Variants in PLXNA4 observed in about 807,000 individuals in gnomAD.
PLXNA4 encodes plexin A4.
PLXNA4 carries 44 observed loss-of-function variants against 191.8 expected under a neutral mutation model. The observed-to-expected ratio is 0.23, with a 90% confidence interval of 0.18 to 0.29. The LOEUF (loss-of-function observed/expected upper bound fraction) is 0.29, where lower values mean the gene tolerates loss of function less well. Ranked by LOEUF, PLXNA4 falls within the 10% of genes least tolerant of loss-of-function variation. The pLI, the probability that PLXNA4 is intolerant of heterozygous loss-of-function variation, is 1.00. For missense variants in PLXNA4, 1,800 were observed against 2,488.8 expected (o/e 0.72, Z 5.89); for synonymous variants, 1,082 against 1,009.5 (o/e 1.07, Z -1.36).
At chr7:132,325,370 C>T (rs1802317806) in intron 3 of PLXNA4, among the ~76,000 whole-genome samples, 1 of 152,174 alleles carries the variant, frequency 6.6e-6, no homozygotes, top group Non-Finnish European at 1.5e-5. Flanking sequence ...GTCTCTAGCA[C>T]CCAAGGGCAT....
At chr7:132,587,351 T>G (rs938220173) in intron 2 of PLXNA4, among the ~76,000 whole-genome samples, 2 of 152,238 alleles carry the variant, frequency 1.3e-5, no homozygotes, top group Non-Finnish European at 2.9e-5. Context: ...CTTATCTTAT[T>G]TAGACATATT....
Position 132,312,149 on chromosome 7 carries a change from A to AAATAATAATAATAATAATAATAATAAT in PLXNA4, c.1372-13928_1372-13927insATTATTATTATTATTATTATTATTATT, listed in dbSNP as rs56273116. The stretch of plus-strand genomic sequence containing the variant: ...ACCAGAGCCAAAGTGCCTTGAAGGA[A>AAATAATAATAATAATAATAATAATAAT]AATAATAATAATAATAATAATAATA... On this transcript the variant is annotated intron_variant, in intron 3 of 31. Coordinates refer to ENST00000321063, the MANE Select transcript of PLXNA4 (RefSeq NM_020911.2). Among the ~76,000 whole-genome samples, 175 of 149,550 alleles carry AAATAATAATAATAATAATAATAATAAT rather than the reference A, an allele frequency of 1.2e-3. 2 individuals are homozygous for AAATAATAATAATAATAATAATAATAAT. The highest frequency in any genetic ancestry group is 3.1e-3 in the African/African-American group (124 of 40,258).
chr7:132,199,351 T>A (rs1486971933), intron 12 of PLXNA4, among the ~76,000 whole-genome samples: 1 of 152,226 alleles, frequency 6.6e-6, no homozygotes, highest in Non-Finnish European at 1.5e-5. Context: ...CCTTTGCCGT[T>A]GTTGTTTGGC....
chr7:132,279,818 A>G (rs548123764), intron 4 of PLXNA4, among the ~76,000 whole-genome samples: 40 of 152,268 alleles, frequency 2.6e-4, no homozygotes, highest in African/African-American at 9.4e-4. Flanking sequence ...TCACTTTAAA[A>G]CTAGTGGACG....
chr7:132,209,528 T>C (rs964585236), intron 10 of PLXNA4, among the ~76,000 whole-genome samples: 1 of 151,922 alleles, frequency 6.6e-6, no homozygotes, highest in Non-Finnish European at 1.5e-5. Context: ...ATCTGAGAAA[T>C]AGCCTGGCAG....
rs1295905645 is a variant in PLXNA4 at position 132,128,457 on chromosome 7, C to T, written c.*2022G>A. ...TGGACAAGCGCCCTCTCCTTCCACCCACCAGCTCTCAGCATAGAAAGCAAG... is the reference window on the plus strand; with the variant it reads ...TGGACAAGCGCCCTCTCCTTCCACCTACCAGCTCTCAGCATAGAAAGCAAG... On this transcript the variant is annotated 3_prime_UTR_variant, in exon 32 of 32. Transcript: ENST00000321063. The T allele has an allele frequency of 1.3e-5, 2 of 152,190 alleles. No individual in the cohort carries two copies. Among genetic ancestry groups the T allele is most frequent in the African/African-American group, 4.8e-5 (2 of 41,390 alleles). 9.4% of individuals were successfully genotyped at this position (152,190 alleles called of 1,614,324 possible).
intron 3 of PLXNA4, among the ~76,000 whole-genome samples, chr7:132,409,424 C>T (rs1794360890): frequency 6.6e-6 from 1 of 152,196 alleles, no homozygotes; most frequent in African/African-American, 2.4e-5. Context: ...GGGGCACCTT[C>T]TTACAAATCA....
At chr7:132,605,137 T>C (rs1802899719) in intron 2 of PLXNA4, among the ~76,000 whole-genome samples, 1 of 152,234 alleles carries the variant, frequency 6.6e-6, no homozygotes, top group Non-Finnish European at 1.5e-5. Context: ...GCACTGTTCT[T>C]ATCCACATTT....
At chr7:132,400,178 C>T (rs1186760734) in intron 3 of PLXNA4, among the ~76,000 whole-genome samples, 1 of 152,130 alleles carries the variant, frequency 6.6e-6, no homozygotes. Flanking sequence ...CAGAACCAAG[C>T]TTCATACCAG....
In PLXNA4 at chr7:132,252,888, A is replaced by G. The variant is rs547720837; in HGVS notation, c.1504-11722T>C. 6.2e-4 allele frequency among the ~76,000 whole-genome samples: 94 copies of G among 152,328 alleles called. No homozygotes were observed. In the South Asian group the frequency reaches 0.019, roughly 30 times the overall value. On this transcript the variant is annotated intron_variant, in intron 4 of 31. Coordinates refer to ENST00000321063, the MANE Select transcript of PLXNA4 (RefSeq NM_020911.2). ...TCTACACTCTAAGATAATAGTCTGT[A>G]TGTACTAAGATGGATGAATGTCTAT...
intron 4 of PLXNA4, among the ~76,000 whole-genome samples, chr7:132,297,881 T>C (rs1801150559): frequency 6.6e-6 from 1 of 152,250 alleles, no homozygotes; most frequent in Non-Finnish European, 1.5e-5. Context: ...GACTCTCCAA[T>C]ATTTTGATAT....
intron 2 of PLXNA4, among the ~76,000 whole-genome samples, chr7:132,639,230 A>C (rs1241693577): frequency 3.9e-5 from 6 of 152,286 alleles, no homozygotes; most frequent in African/African-American, 4.8e-5. Flanking sequence ...CTTCTCATTT[A>C]AAAGGGACAG....
At chr7:132,591,288 G>A (rs762952413) in intron 2 of PLXNA4, among the ~76,000 whole-genome samples, 106 of 152,120 alleles carry the variant, frequency 7.0e-4, no homozygotes, top group Non-Finnish European at 1.2e-3. Context: ...CAGAAGACAC[G>A]GGTTACTATC....
intron 3 of PLXNA4, among the ~76,000 whole-genome samples, chr7:132,438,124 G>C (rs1356583853): frequency 6.6e-6 from 1 of 152,202 alleles, no homozygotes; most frequent in Non-Finnish European, 1.5e-5. Context: ...AGGTGTATAA[G>C]CATGTGTGTG....
chr7:132,170,739 C>G (rs964621819), intron 21 of PLXNA4, among the ~76,000 whole-genome samples: 1 of 152,236 alleles, frequency 6.6e-6, no homozygotes, highest in Admixed American at 6.5e-5. Context: ...GCACCTTGCA[C>G]AGAAGGGCTG....
At chr7:132,308,652 C>G (rs1801615528) in intron 3 of PLXNA4, among the ~76,000 whole-genome samples, 1 of 152,116 alleles carries the variant, frequency 6.6e-6, no homozygotes, top group African/African-American at 2.4e-5. Flanking sequence ...CAGCCTCAGA[C>G]AATCTACTAA....
chr7:132,433,049 G>A lies in PLXNA4; in HGVS notation c.1371+56243C>T, dbSNP rs149419955. Reference sequence around the variant, plus strand: ...ACATAGGAGGTTTCTGTCTAGTTCCGGTTGATACACACACCAAATGGGCAA... The same window carrying A: ...ACATAGGAGGTTTCTGTCTAGTTCCAGTTGATACACACACCAAATGGGCAA... On this transcript the variant is annotated intron_variant, in intron 3 of 31. Coordinates refer to ENST00000321063, the MANE Select transcript of PLXNA4 (RefSeq NM_020911.2). Among the ~76,000 whole-genome samples the A allele has an allele frequency of 2.0e-3, 299 of 152,222 alleles. 4 individuals are homozygous for A. Among genetic ancestry groups the A allele is most frequent in the Admixed American group, 5.4e-3 (82 of 15,286 alleles).
intron 9 of PLXNA4, among the ~76,000 whole-genome samples, chr7:132,216,077 C>T (rs1797953955): frequency 6.6e-6 from 1 of 152,174 alleles, no homozygotes; most frequent in Admixed American, 6.5e-5. Flanking sequence ...TTTTGGGACT[C>T]AGCCCTTTAA....
intron 3 of PLXNA4, among the ~76,000 whole-genome samples, chr7:132,443,557 T>C (rs2117259982): frequency 6.6e-6 from 1 of 152,332 alleles, no homozygotes; most frequent in Non-Finnish European, 1.5e-5. Flanking sequence ...GTCCATTTCC[T>C]GGCACGTGCT....
Sources: allele counts gnomAD v4.1 joint callset (sites outside exome capture counted in the v4.1 genomes callset), GRCh38; gene constraint gnomAD v4.1.1; transcripts MANE v1.5; gene names NCBI Gene and HGNC (gene_info 2026-07-23, HGNC 2026-07-21).